LIMK2: variants seen among roughly 807,000 people sequenced by gnomAD.
The protein encoded by LIMK2 is LIM domain kinase 2.
LIMK2 carries 35 observed loss-of-function variants against 75.7 expected under a neutral mutation model. The ratio of observed to expected loss-of-function variants is 0.46; its 90% CI spans 0.35 to 0.61. LIMK2 has a LOEUF of 0.61. Ranked by LOEUF, LIMK2 falls within the 20% of genes least tolerant of loss-of-function variation. The pLI is 0.00. For synonymous variants in LIMK2, 301 were observed against 319.2 expected, an observed-to-expected ratio of 0.94 and a Z score of 0.61; for missense variants, 623 against 831.0, an observed-to-expected ratio of 0.75 and a Z score of 3.08.
chr22:31,252,799 C>T (rs1318430394), intron 2 of LIMK2, among the ~76,000 whole-genome samples: 1 of 152,150 alleles, frequency 6.6e-6, no homozygotes, highest in African/African-American at 2.4e-5. Flanking sequence ...ATTTAATTCT[C>T]ATAACCCCAT....
At chr22:31,242,453 C>A (rs2048630846) in intron 2 of LIMK2, among the ~76,000 whole-genome samples, 2 of 152,204 alleles carry the variant, frequency 1.3e-5, no homozygotes, top group South Asian at 4.1e-4. Flanking sequence ...TGGAACATTA[C>A]ACTTTGGAGA....
intron 11 of LIMK2, 69 bp downstream of exon 11, chr22:31,268,269 T>C: frequency 7.6e-7 from 1 of 1,320,036 alleles, no homozygotes; most frequent in South Asian, 1.2e-5. Context: ...TGGGCTTCAC[T>C]GGAAGGTAGA....
At chr22:31,213,943 G>A (rs984848798) in intron 1 of LIMK2, among the ~76,000 whole-genome samples, 3 of 151,816 alleles carry the variant, frequency 2.0e-5, no homozygotes, top group African/African-American at 7.3e-5. Context: ...AGCCTCCCGA[G>A]TAGCTGGGAC....
At chr22:31,233,110 A>T (rs2048543167) in intron 2 of LIMK2, among the ~76,000 whole-genome samples, 1 of 152,228 alleles carries the variant, frequency 6.6e-6, no homozygotes, top group African/African-American at 2.4e-5. Context: ...GGGTTGTATT[A>T]GAGAAAAGTG....
intron 8 of LIMK2, among the ~76,000 whole-genome samples, chr22:31,266,545 G>A (rs2048897991): frequency 6.6e-6 from 1 of 152,098 alleles, no homozygotes; most frequent in African/African-American, 2.4e-5. Context: ...TGGGAGGGGG[G>A]GTCAGGTAAG....
At chr22:31,259,281 G>A in intron 4 of LIMK2, 51 bp downstream of exon 4, 1 of 1,192,130 alleles carries the variant, frequency 8.4e-7, no homozygotes, top group Non-Finnish European at 1.2e-6. Flanking sequence ...GTGGCTGGCG[G>A]GGAGGGACAG....
At chr22:31,248,868 A>G in intron 2 of LIMK2, 1 of 1,311,288 alleles carries the variant, frequency 7.6e-7, no homozygotes, top group South Asian at 1.2e-5. Context: ...GTCCTTTACC[A>G]TCGGTTCTGC....
intron 14 of LIMK2, among the ~76,000 whole-genome samples, chr22:31,274,593 G>T (rs902609483): frequency 2.0e-5 from 3 of 152,102 alleles, no homozygotes; most frequent in Non-Finnish European, 2.9e-5. Flanking sequence ...TAGAGACAGG[G>T]TTTCGCCATA....
intron 10 of LIMK2, 53 bp from the exon 11 acceptor site, chr22:31,268,091 C>T (rs1010723534): frequency 1.3e-6 from 2 of 1,582,284 alleles, no homozygotes; most frequent in Admixed American, 3.3e-5. Flanking sequence ...GGGGCCTGGA[C>T]CACGAGTGGG....
At chr22:31,246,389 A>T (rs1321726381) in intron 2 of LIMK2, among the ~76,000 whole-genome samples, 1 of 151,992 alleles carries the variant, frequency 6.6e-6, no homozygotes, top group Non-Finnish European at 1.5e-5. Flanking sequence ...AAAAGAAAAA[A>T]ATCTTTCCAT....
chr22:31,230,843 T>C (rs1172283354), intron 2 of LIMK2, among the ~76,000 whole-genome samples: 1 of 152,192 alleles, frequency 6.6e-6, no homozygotes, highest in African/African-American at 2.4e-5. Flanking sequence ...CCACATTCAT[T>C]TTCTCTCCCC....
intron 2 of LIMK2, among the ~76,000 whole-genome samples, chr22:31,226,455 G>C (rs958610627): frequency 3.8e-5 from 1 of 26,504 alleles, no homozygotes; most frequent in Non-Finnish European, 6.4e-5. Flanking sequence ...CACCCACCTC[G>C]ACCTCCCAAA....
At chr22:31,216,311 G>A (rs1384756878) in intron 1 of LIMK2, among the ~76,000 whole-genome samples, 1 of 152,166 alleles carries the variant, frequency 6.6e-6, no homozygotes, top group African/African-American at 2.4e-5. Context: ...GCAAGTTTCA[G>A]GTCTTCATAA....
Position 31,219,664 on chromosome 22 carries a change from C to T in LIMK2, c.17-6056C>T, listed in dbSNP as rs551626381. 7.8e-3 allele frequency among the ~76,000 whole-genome samples: 1,193 copies of T among 152,242 alleles called. 11 individuals carry two copies. Among genetic ancestry groups the T allele is most frequent in the Non-Finnish European group, 0.013 (886 of 68,012 alleles). ...TCGGCTCACTGCAAGCTCCACCTCC[C>T]GGGTTCATGCCATTCTCCTGCTTCA... On this transcript the variant is annotated intron_variant, in intron 1 of 15. Coordinates refer to ENST00000331728, the MANE Select transcript of LIMK2 (RefSeq NM_005569.4).
At chr22:31,271,357 G>A (rs1356391720) in intron 12 of LIMK2, among the ~76,000 whole-genome samples, 156 bp downstream of exon 12, 1 of 152,010 alleles carries the variant, frequency 6.6e-6, no homozygotes. Context: ...GCCCTTCTCT[G>A]TCCTCTGGGA....
rs1385122836 is a variant in LIMK2 at position 31,234,336 on chromosome 22, A to C, written c.116+8517A>C. Among the ~76,000 whole-genome samples, 15 of 151,020 alleles carry C rather than the reference A, an allele frequency of 9.9e-5. No individual in the cohort carries two copies. In the South Asian group the frequency reaches 1.3e-3, roughly 13 times the overall value. On this transcript the variant is annotated intron_variant, in intron 2 of 15. Transcript: ENST00000331728. ...TGGAAGGAGTGATCTTAAAAAAAAA[A>C]AAAACAAAAAAAAACTTGACTGTGT...
chr22:31,265,864 C>A, intron 7 of LIMK2, 82 bp from the exon 8 acceptor site: 1 of 1,071,724 alleles, frequency 9.3e-7, no homozygotes, highest in Non-Finnish European at 1.4e-6. Flanking sequence ...TGAACAGGTG[C>A]CCCTAAGTTT....
intron 2 of LIMK2, among the ~76,000 whole-genome samples, chr22:31,245,805 A>G (rs1032065432): frequency 2.0e-5 from 3 of 152,160 alleles, no homozygotes; most frequent in Non-Finnish European, 2.9e-5. Context: ...ACATGTGGAA[A>G]TTACATGAAA....
At chr22:31,269,298 T>TC (rs1434751831) in intron 11 of LIMK2, among the ~76,000 whole-genome samples, 1 of 146,706 alleles carries the variant, frequency 6.8e-6, no homozygotes, top group African/African-American at 2.5e-5. Context: ...TTTTTTTTTT[T>TC]TTTTTTTTTG....
Sources: allele counts gnomAD v4.1 joint callset (sites outside exome capture counted in the v4.1 genomes callset), GRCh38; gene constraint gnomAD v4.1.1; transcripts MANE v1.5; gene names NCBI Gene and HGNC (gene_info 2026-07-23, HGNC 2026-07-21).